CACNG3: variants seen among roughly 807,000 people sequenced by gnomAD.
CACNG3 encodes calcium voltage-gated channel auxiliary subunit gamma 3.
A neutral mutation model predicts 28.5 loss-of-function variants in CACNG3; 3 were observed. The ratio of observed to expected loss-of-function variants is 0.11; its 90% CI spans 0.05 to 0.27. The LOEUF (loss-of-function observed/expected upper bound fraction) is 0.27. Among genes scored for constraint, CACNG3 ranks in the 10% least tolerant of loss-of-function variants. CACNG3 has a pLI of 1.00. For missense variants in CACNG3, 236 were observed against 414.4 expected, an observed-to-expected ratio of 0.57 and a Z score of 3.74; for synonymous variants, 174 against 162.2, an observed-to-expected ratio of 1.07 and a Z score of -0.55.
intron 1 of CACNG3, among the ~76,000 whole-genome samples, chr16:24,258,714 G>A (rs1442898243): frequency 6.6e-6 from 1 of 152,148 alleles, no homozygotes; most frequent in Non-Finnish European, 1.5e-5. Context: ...TTTGGTGGAT[G>A]TTGCGATATC....
intron 1 of CACNG3, among the ~76,000 whole-genome samples, chr16:24,317,617 AGAAAGAAAGACAGAC>A (rs1899381320): frequency 1.9e-4 from 13 of 69,814 alleles, no homozygotes; most frequent in African/African-American, 8.4e-4. Flanking sequence ...AAAGAAAGAA[AGAAAGAAAGACAGAC>A]AGAAAGAAAG....
intron 1 of CACNG3, among the ~76,000 whole-genome samples, chr16:24,278,450 T>C (rs1356507618): frequency 6.6e-6 from 1 of 152,054 alleles, no homozygotes; most frequent in African/African-American, 2.4e-5. Flanking sequence ...ATCCCATCTC[T>C]ACTGAAAATA....
At chr16:24,291,531 A>G (rs1898968399) in intron 1 of CACNG3, among the ~76,000 whole-genome samples, 1 of 152,128 alleles carries the variant, frequency 6.6e-6, no homozygotes. Flanking sequence ...GCATATAAGG[A>G]CCTGGGGCTG....
At chr16:24,260,847 G>A (rs891668914) in intron 1 of CACNG3, among the ~76,000 whole-genome samples, 1 of 152,198 alleles carries the variant, frequency 6.6e-6, no homozygotes, top group African/African-American at 2.4e-5. Context: ...AGCACGGGAG[G>A]CATTCACAAA....
At chr16:24,309,406 C>T (rs1212547762) in intron 1 of CACNG3, among the ~76,000 whole-genome samples, 2 of 152,182 alleles carry the variant, frequency 1.3e-5, no homozygotes, top group African/African-American at 2.4e-5. Flanking sequence ...TCACTTCACT[C>T]TTTACAAAAA....
intron 1 of CACNG3, among the ~76,000 whole-genome samples, chr16:24,291,118 C>T (rs1276719991): frequency 6.6e-6 from 1 of 152,158 alleles, no homozygotes; most frequent in African/African-American, 2.4e-5. Flanking sequence ...ATAATAGTAC[C>T]TCCCTCATAG....
intron 1 of CACNG3, among the ~76,000 whole-genome samples, chr16:24,308,758 T>A (rs1409349830): frequency 6.9e-6 from 1 of 145,534 alleles, no homozygotes; most frequent in Non-Finnish European, 1.5e-5. Flanking sequence ...GAGGATTGCT[T>A]GAGCCCAGGA....
chr16:24,274,833 C>T (rs1898733497), intron 1 of CACNG3, among the ~76,000 whole-genome samples: 1 of 152,136 alleles, frequency 6.6e-6, no homozygotes, highest in African/African-American at 2.4e-5. Context: ...ACGTTAGACT[C>T]GTTTTATCAA....
Position 24,359,204 on chromosome 16 carries a change from G to A in CACNG3, c.437-2148G>A, listed in dbSNP as rs563849093. ...GGCATCAATAGAAGCCACCTTCATT[G>A]AGCTGAGACGTCTTTGAAGTCTGAC... On this transcript the variant is annotated intron_variant, in intron 3 of 3. Coordinates refer to ENST00000005284, the MANE Select transcript of CACNG3 (RefSeq NM_006539.4). Among the ~76,000 whole-genome samples, 3 of 152,222 alleles carry A rather than the reference G, an allele frequency of 2.0e-5. No individual in the cohort carries two copies. The East Asian group carries it at 5.8e-4, about 29-fold the overall frequency.
At chr16:24,279,118 C>T (rs550534807) in intron 1 of CACNG3, among the ~76,000 whole-genome samples, 16 of 151,926 alleles carry the variant, frequency 1.1e-4, no homozygotes, top group Non-Finnish European at 2.1e-4. Context: ...AGACAGGGGC[C>T]GTGTCATGCA....
chr16:24,276,874 A>C (rs1272609331), intron 1 of CACNG3, among the ~76,000 whole-genome samples: 2 of 152,204 alleles, frequency 1.3e-5, no homozygotes, highest in Non-Finnish European at 2.9e-5. Flanking sequence ...GTGCAAAAAA[A>C]CTGAGATTTT....
intron 1 of CACNG3, among the ~76,000 whole-genome samples, chr16:24,345,266 C>T (rs1354960430): frequency 1.3e-5 from 2 of 152,202 alleles, no homozygotes; most frequent in Non-Finnish European, 2.9e-5. Flanking sequence ...GATTCCACTC[C>T]AGCTACACAG....
chr16:24,288,049 T>C (rs1408901742), intron 1 of CACNG3, among the ~76,000 whole-genome samples: 2 of 152,212 alleles, frequency 1.3e-5, no homozygotes, highest in Non-Finnish European at 2.9e-5. Flanking sequence ...ACTTCTGTGT[T>C]AGGCAGTATT....
At chr16:24,257,387 GA>G (rs1898477335) in intron 1 of CACNG3, among the ~76,000 whole-genome samples, 1 of 112,436 alleles carries the variant, frequency 8.9e-6, no homozygotes, top group South Asian at 3.2e-4. Flanking sequence ...GAGAGAGAGA[GA>G]GAGAGAGAGA....
chr16:24,310,585 C>CAAACAAA (rs60462294), intron 1 of CACNG3, among the ~76,000 whole-genome samples: 2 of 151,570 alleles, frequency 1.3e-5, no homozygotes, highest in African/African-American at 4.9e-5. Context: ...AACAAACAAA[C>CAAACAAA]CAAAATAGTG....
At chr16:24,288,606 C>A (rs888689453) in intron 1 of CACNG3, among the ~76,000 whole-genome samples, 19 of 152,324 alleles carry the variant, frequency 1.2e-4, no homozygotes, top group Middle Eastern at 3.4e-3. Flanking sequence ...TCCCCTTCAT[C>A]TTCTGGGCTC....
chr16:24,323,924 C>A (rs1157616973), intron 1 of CACNG3, among the ~76,000 whole-genome samples: 1 of 152,168 alleles, frequency 6.6e-6, no homozygotes, highest in East Asian at 1.9e-4. Flanking sequence ...CACACCACCA[C>A]ACCAGGCTAA....
At chr16:24,354,801 A>C in intron 2 of CACNG3, 32 bp from the exon 3 acceptor site, 1 of 1,604,460 alleles carries the variant, frequency 6.2e-7, no homozygotes, top group Non-Finnish European at 8.5e-7. Flanking sequence ...CTGGCTGGGC[A>C]CAGGCAGAAG....
At chr16:24,353,639 T>C (rs1899988845) in intron 2 of CACNG3, among the ~76,000 whole-genome samples, 1 of 152,096 alleles carries the variant, frequency 6.6e-6, no homozygotes, top group Non-Finnish European at 1.5e-5. Flanking sequence ...GTTAAACATG[T>C]CAGCTATGAC....
Sources: gnomAD v4.1 joint callset for allele counts (sites outside exome capture counted in the v4.1 genomes callset) on GRCh38, gnomAD v4.1.1 for gene constraint, MANE v1.5 for transcripts, NCBI Gene and HGNC (gene_info 2026-07-23, HGNC 2026-07-21) for gene names.